The following ADGRG6 variants were observed in gnomAD, a reference collection of about 807,000 sequenced individuals.
The protein encoded by ADGRG6 is adhesion G protein-coupled receptor G6.
A neutral mutation model predicts 142.4 loss-of-function variants in ADGRG6; 84 were observed. That is an observed-to-expected ratio of 0.59 (90% CI 0.49 to 0.71). The LOEUF (loss-of-function observed/expected upper bound fraction) is 0.71. Ranked by LOEUF, ADGRG6 falls within the 30% of genes least tolerant of loss-of-function variation. The pLI is 0.00. For synonymous variants in ADGRG6, 521 were observed against 520.5 expected (o/e 1.00, Z -0.01); for missense variants, 1,367 against 1,466.6 (o/e 0.93, Z 1.11).
At chr6:142,386,206 C>T (rs766556393) in intron 6 of ADGRG6, among the ~76,000 whole-genome samples, 2 of 152,034 alleles carry the variant, frequency 1.3e-5, no homozygotes, top group Non-Finnish European at 2.9e-5. Context: ...TTATCTGATA[C>T]CTCAAATTAC....
At chr6:142,426,169 C>T (rs1479322586) in intron 22 of ADGRG6, among the ~76,000 whole-genome samples, 4 of 152,180 alleles carry the variant, frequency 2.6e-5, no homozygotes, top group Non-Finnish European at 5.9e-5. Flanking sequence ...TCAGCATTAA[C>T]TCAAAAGTCC....
At chr6:142,326,212 C>CA (rs1778769801) in intron 2 of ADGRG6, among the ~76,000 whole-genome samples, 1 of 151,406 alleles carries the variant, frequency 6.6e-6, no homozygotes, top group Non-Finnish European at 1.5e-5. Flanking sequence ...TGACTTTAAA[C>CA]ACGTTGTTTC....
At chr6:142,393,510 A>T (rs1422451646) in intron 8 of ADGRG6, among the ~76,000 whole-genome samples, 1 of 152,132 alleles carries the variant, frequency 6.6e-6, no homozygotes, top group Non-Finnish European at 1.5e-5. Flanking sequence ...CCTTGTTTTC[A>T]TAGTTCTATA....
intron 2 of ADGRG6, among the ~76,000 whole-genome samples, chr6:142,337,937 C>T (rs900904832): frequency 2.0e-5 from 3 of 150,078 alleles, no homozygotes; most frequent in African/African-American, 7.4e-5. Context: ...TTATATACAT[C>T]TGACACTGAA....
chr6:142,408,251 C>T lies in ADGRG6; in HGVS notation c.2370C>T (p.Ile790=). The part of the protein sequence containing the change: ...QNLKDPVQIK[I]KHTRTQEVHH... ...TGAAGGATCCTGTTCAAATAAAAAT[C>T]AAACATACAAGAACTCAGGTAAGAA... is the stretch of plus-strand genomic sequence containing the variant. The change falls in exon 16 of 25, where the codon ATC becomes ATT. Residue 790 remains isoleucine, a synonymous_variant. Transcript: ENST00000367609. 6.4e-7 allele frequency: 1 copy of T among 1,568,618 alleles called. No homozygotes were observed. The highest frequency in any genetic ancestry group is 8.7e-7 in the Non-Finnish European group (1 of 1,154,208).
chr6:142,422,520 C>A (rs1350345560), intron 22 of ADGRG6, among the ~76,000 whole-genome samples: 1 of 152,132 alleles, frequency 6.6e-6, no homozygotes, highest in East Asian at 1.9e-4. Context: ...CTGCATAGTA[C>A]TCCATGGTGT....
intron 2 of ADGRG6, among the ~76,000 whole-genome samples, chr6:142,340,295 A>G (rs1325709045): frequency 6.6e-6 from 1 of 152,160 alleles, no homozygotes; most frequent in Non-Finnish European, 1.5e-5. Flanking sequence ...AGCAATTTTT[A>G]CATTACCAAA....
intron 2 of ADGRG6, among the ~76,000 whole-genome samples, chr6:142,314,975 T>TGA (rs901859870): frequency 2.2e-5 from 3 of 138,020 alleles, no homozygotes; most frequent in Non-Finnish European, 4.5e-5. Context: ...TCATGGAGTG[T>TGA]GTGTGTGTGT....
rs1157047561 is a variant in ADGRG6, at chr6:142,367,556, G to T, written c.104-13G>T. 1 of 1,605,336 alleles carries T rather than the reference G, an allele frequency of 6.2e-7. No individual in the cohort carries two copies. The highest frequency in any genetic ancestry group is 8.5e-7 in the Non-Finnish European group (1 of 1,173,900). On this transcript the variant is annotated splice_polypyrimidine_tract_variant and intron_variant, in intron 2 of 24. Coordinates refer to ENST00000367609, the MANE Select transcript of ADGRG6 (RefSeq NM_198569.3). ...CAGCCCTTCTCTCTGTCTCTCTTTT[G>T]TCTGGCCAGCAGTGTGGGGATGTGC...
chr6:142,329,945 C>T (rs1016560279), intron 2 of ADGRG6, among the ~76,000 whole-genome samples: 5 of 152,106 alleles, frequency 3.3e-5, no homozygotes, highest in African/African-American at 1.2e-4. Flanking sequence ...CTTCACTCTC[C>T]ACTGCAGCCC....
Position 142,302,151 on chromosome 6 carries a change from T to G in ADGRG6, c.-179T>G. The G allele has an allele frequency of 1.6e-6, 1 of 632,916 alleles. No homozygotes were observed. The highest frequency in any genetic ancestry group is 2.7e-6 in the Non-Finnish European group (1 of 374,070). The allele number at this position is 632,916 out of a possible 1,614,324, so 39.2% of individuals were successfully genotyped here. ...GCGCTGAACGCTGCCGCGCCCAGGGTTCACCTTGCGCCGTCGGGAAAGCCC... is the reference window on the plus strand; with the variant it reads ...GCGCTGAACGCTGCCGCGCCCAGGGGTCACCTTGCGCCGTCGGGAAAGCCC... On this transcript the variant is annotated 5_prime_UTR_variant, in exon 1 of 25. Coordinates refer to ENST00000367609, the MANE Select transcript of ADGRG6 (RefSeq NM_198569.3).
At chr6:142,318,924 G>A (rs904890111) in intron 2 of ADGRG6, among the ~76,000 whole-genome samples, 4 of 152,120 alleles carry the variant, frequency 2.6e-5, no homozygotes, top group Non-Finnish European at 5.9e-5. Flanking sequence ...CAGCCCAGCA[G>A]GGGAGATAGA....
chr6:142,391,975 A>G (rs1282315918), intron 7 of ADGRG6, among the ~76,000 whole-genome samples: 4 of 151,974 alleles, frequency 2.6e-5, no homozygotes. Context: ...GGTTTTCAAC[A>G]TAGCTTTATT....
chr6:142,342,369 A>C (rs1051637040), intron 2 of ADGRG6, among the ~76,000 whole-genome samples: 1 of 152,164 alleles, frequency 6.6e-6, no homozygotes, highest in African/African-American at 2.4e-5. Context: ...ATGATTATTC[A>C]AAATAAGAAA....
intron 22 of ADGRG6, among the ~76,000 whole-genome samples, chr6:142,434,109 C>T (rs1365437841): frequency 1.3e-5 from 2 of 151,816 alleles, no homozygotes; most frequent in Non-Finnish European, 2.9e-5. Context: ...AGAAATAGAT[C>T]ATTAGGATTT....
intron 15 of ADGRG6, 141 bp from the exon 16 acceptor site, chr6:142,408,009 C>T: frequency 1.9e-6 from 1 of 517,276 alleles, no homozygotes; most frequent in Non-Finnish European, 3.4e-6. Context: ...GGAAAGCCAG[C>T]AACTTGATGT....
chr6:142,442,886 C>A (rs920082621), intron 24 of ADGRG6, among the ~76,000 whole-genome samples: 12 of 151,970 alleles, frequency 7.9e-5, no homozygotes, highest in African/African-American at 2.4e-4. Context: ...CCCCTTGTAA[C>A]CATCAATTTA....
At chr6:142,377,855 G>C (rs1781578012) in intron 4 of ADGRG6, among the ~76,000 whole-genome samples, 1 of 152,092 alleles carries the variant, frequency 6.6e-6, no homozygotes, top group South Asian at 2.1e-4. Context: ...TGTAATGCAA[G>C]TTTTCATTTA....
Position 142,367,585 on chromosome 6 carries a change from C to G in ADGRG6, c.120C>G (p.Asn40Lys), listed in dbSNP as rs1405418885. 12 of 1,613,340 alleles carry G rather than the reference C, an allele frequency of 7.4e-6. No homozygotes were observed. The highest frequency in any genetic ancestry group is 8.5e-7 in the Non-Finnish European group (1 of 1,179,484). The change falls in exon 3 of 25, where the codon AAC becomes AAG. Residue 40 changes from asparagine (N) to lysine (K), a missense_variant. Physicochemically the swap from Asn to Lys is moderately conservative, Grantham distance 94. Around this residue, in one of 3 missense-constraint regions of ADGRG6, gnomAD observed 737 missense variants for 746.5 expected, o/e 0.99. Coordinates refer to ENST00000367609, the MANE Select transcript of ADGRG6 (RefSeq NM_198569.3). ...CVPHSVWGCA[N>K]CRVVLSNPSG... Reference sequence around the variant, plus strand: ...GGCCAGCAGTGTGGGGATGTGCCAACTGCCGAGTGGTTTTGTCCAACCCTT... The same window carrying G: ...GGCCAGCAGTGTGGGGATGTGCCAAGTGCCGAGTGGTTTTGTCCAACCCTT...
Sources: gnomAD v4.1 joint callset for allele counts (sites outside exome capture counted in the v4.1 genomes callset) on GRCh38, gnomAD v4.1.1 for gene constraint, gnomAD v4.1.1 regional missense constraint, MANE v1.5 for transcripts, NCBI Gene and HGNC (gene_info 2026-07-23, HGNC 2026-07-21) for gene names.